Variants in SH3RF3 observed in about 807,000 individuals in gnomAD.
The protein encoded by SH3RF3 is E3 ubiquitin-protein ligase SH3RF3.
A neutral mutation model predicts 66.3 loss-of-function variants in SH3RF3; 29 were observed. That is an observed-to-expected ratio of 0.44 (90% confidence interval 0.33 to 0.60). The LOEUF (loss-of-function observed/expected upper bound fraction) is 0.60. Ranked by LOEUF, SH3RF3 falls within the 20% of genes least tolerant of loss-of-function variation. The pLI is 0.04. For synonymous variants in SH3RF3, 583 were observed against 532.0 expected (o/e 1.10, Z -1.32); for missense variants, 1,194 against 1,190.9 (o/e 1.00, Z -0.04).
At position 109,446,282 on chromosome 2, in the gene SH3RF3, T is replaced by C. The variant is rs556305184; in HGVS notation, c.1829-2888T>C. On this transcript the variant is annotated intron_variant, in intron 7 of 9. Coordinates refer to ENST00000309415, the MANE Select transcript of SH3RF3 (RefSeq NM_001099289.3). ...TGACATGGCTGGGGTTCTTTTTTCC[T>C]CAGAGACTCACTCTTTTATTCAAAA... is the stretch of plus-strand genomic sequence containing the variant. Among the ~76,000 whole-genome samples, 14 of 152,262 alleles carry C rather than the reference T, an allele frequency of 9.2e-5. No individual in the cohort carries two copies. The South Asian group carries it at 2.9e-3, about 32-fold the overall frequency.
At chr2:109,285,761 G>T (rs999863188) in intron 1 of SH3RF3, among the ~76,000 whole-genome samples, 16 of 152,222 alleles carry the variant, frequency 1.1e-4, no homozygotes, top group Non-Finnish European at 2.1e-4. Context: ...GTGGAACCTG[G>T]ATCCAGACCT....
chr2:109,275,779 T>C (rs1049550962), intron 1 of SH3RF3, among the ~76,000 whole-genome samples: 7 of 152,184 alleles, frequency 4.6e-5, no homozygotes, highest in African/African-American at 1.7e-4. Context: ...TAATGACAGT[T>C]TATGAAGCGA....
intron 1 of SH3RF3, among the ~76,000 whole-genome samples, chr2:109,295,447 G>T (rs143589827): frequency 1.3e-5 from 2 of 152,366 alleles, no homozygotes; most frequent in Non-Finnish European, 2.9e-5. Flanking sequence ...CGAGGGGCAC[G>T]CAGGGCAGGG....
chr2:109,444,323 AG>A (rs1677649835), intron 7 of SH3RF3, among the ~76,000 whole-genome samples: 1 of 152,234 alleles, frequency 6.6e-6, no homozygotes, highest in African/African-American at 2.4e-5. Flanking sequence ...ATATTTAAAA[AG>A]TCAACTCTGT....
At chr2:109,481,207 C>T (rs1390178833) in intron 8 of SH3RF3, among the ~76,000 whole-genome samples, 2 of 152,182 alleles carry the variant, frequency 1.3e-5, no homozygotes, top group East Asian at 1.9e-4. Context: ...GCCCTGCAGA[C>T]GTCAGGTTGG....
intron 2 of SH3RF3, among the ~76,000 whole-genome samples, chr2:109,352,665 C>T (rs1156922859): frequency 2.0e-5 from 3 of 152,222 alleles, no homozygotes; most frequent in African/African-American, 4.8e-5. Flanking sequence ...ACCCGAGAAA[C>T]TCAGGGAACC....
At chr2:109,352,504 CCTGA>C (rs776215722) in intron 2 of SH3RF3, among the ~76,000 whole-genome samples, 4 of 152,286 alleles carry the variant, frequency 2.6e-5, no homozygotes, top group Admixed American at 2.0e-4. Flanking sequence ...TCTGCTTCTT[CCTGA>C]CTGAGAATTG....
chr2:109,381,343 A>G (rs1675661276), intron 3 of SH3RF3, among the ~76,000 whole-genome samples: 1 of 152,204 alleles, frequency 6.6e-6, no homozygotes, highest in Non-Finnish European at 1.5e-5. Flanking sequence ...TCATATGGAC[A>G]GTGCACTTTC....
chr2:109,260,883 G>A (rs1680337020), intron 1 of SH3RF3, among the ~76,000 whole-genome samples: 1 of 152,184 alleles, frequency 6.6e-6, no homozygotes, highest in African/African-American at 2.4e-5. Context: ...AGGCAGGCAG[G>A]TGACTTCAGA....
Position 109,371,634 on chromosome 2 carries a change from G to A in SH3RF3, c.898G>A (p.Gly300Ser), listed in dbSNP as rs1683275005. 6.2e-7 allele frequency: 1 copy of A among 1,614,068 alleles called. No homozygotes were observed. Among genetic ancestry groups the A allele is most frequent in the Non-Finnish European group, 8.5e-7 (1 of 1,179,946 alleles). The change falls in exon 3 of 10, where the codon GGC (glycine) becomes AGC (serine). Residue 300 changes from glycine (G) to serine (S), a missense_variant. Transcript: ENST00000309415. ...GAGAGTGGATGAGAACTGGGCGGAA[G>A]GCATGCTGGGAGACAAGATCGGGAT... Reference protein sequence around the residue: ...LRRVDENWAEGMLGDKIGIFP... With the variant: ...LRRVDENWAESMLGDKIGIFP...
intron 9 of SH3RF3, among the ~76,000 whole-genome samples, chr2:109,493,286 AACAC>A (rs1163175446): frequency 0.26 from 38,086 of 148,510 alleles, 5,099 homozygotes; most frequent in East Asian, 0.5. Context: ...ACACCATAGA[AACAC>A]ACACCATGCA....
intron 4 of SH3RF3, among the ~76,000 whole-genome samples, chr2:109,415,712 A>T (rs80121857): frequency 0.081 from 12,392 of 152,150 alleles, 749 homozygotes; most frequent in East Asian, 0.34. Context: ...CCGTGGGGAT[A>T]CTGCCCCCTT....
At chr2:109,410,550 G>A (rs555392480) in intron 4 of SH3RF3, among the ~76,000 whole-genome samples, 1 of 152,200 alleles carries the variant, frequency 6.6e-6, no homozygotes, top group East Asian at 1.9e-4. Flanking sequence ...GCACTACTGG[G>A]CTCATGTGAA....
At chr2:109,228,627 C>G (rs992787605) in intron 1 of SH3RF3, among the ~76,000 whole-genome samples, 1 of 152,172 alleles carries the variant, frequency 6.6e-6, no homozygotes, top group Non-Finnish European at 1.5e-5. Context: ...TTCAGGTTAC[C>G]TGGAACTTCT....
intron 1 of SH3RF3, among the ~76,000 whole-genome samples, chr2:109,190,984 C>T (rs1056180973): frequency 4.6e-5 from 7 of 151,234 alleles, no homozygotes; most frequent in East Asian, 1.9e-4. Flanking sequence ...TTGCGTCAGG[C>T]GAGGAGTTAG....
chr2:109,222,543 G>A (rs1196281113), intron 1 of SH3RF3, among the ~76,000 whole-genome samples: 1 of 152,194 alleles, frequency 6.6e-6, no homozygotes, highest in Non-Finnish European at 1.5e-5. Context: ...TGTTGGAGGG[G>A]CAAGGGTGAG....
intron 5 of SH3RF3, among the ~76,000 whole-genome samples, chr2:109,426,031 G>A (rs1421042519): frequency 6.6e-6 from 1 of 152,138 alleles, no homozygotes; most frequent in Admixed American, 6.5e-5. Flanking sequence ...CCCGGTAGCT[G>A]GGATTACAGG....
In SH3RF3 at chr2:109,129,258, C is replaced by A; in HGVS notation, c.-283C>A. ...AGCACCCCCGGTCCCCCGCGCGGGG[C>A]GGACTTGCGGCGGGACAGGTGTAGC... On this transcript the variant is annotated 5_prime_UTR_variant, in exon 1 of 10. Transcript: ENST00000309415. 1.7e-6 allele frequency: 1 copy of A among 585,952 alleles called. No homozygotes were observed. The highest frequency in any genetic ancestry group is 2.9e-5 in the Admixed American group (1 of 34,684). 36.3% of individuals were successfully genotyped at this position (585,952 alleles called of 1,614,324 possible). A position where few individuals can be genotyped will look rare whatever the true frequency, so the allele number is the denominator to read the frequency against.
chr2:109,256,061 CTG>C (rs1680214990), intron 1 of SH3RF3, among the ~76,000 whole-genome samples: 1 of 152,144 alleles, frequency 6.6e-6, no homozygotes, highest in African/African-American at 2.4e-5. Context: ...AAATGTAAGC[CTG>C]TATGTGCTTC....
Sources: gnomAD v4.1 joint callset for allele counts (sites outside exome capture counted in the v4.1 genomes callset) on GRCh38, gnomAD v4.1.1 for gene constraint, MANE v1.5 for transcripts, NCBI Gene and HGNC (gene_info 2026-07-23, HGNC 2026-07-21) for gene names.